The following IQCJ variants were observed in gnomAD, a reference collection of about 807,000 sequenced individuals.
The protein encoded by IQCJ is IQ motif containing J.
Under a neutral mutation model 11.0 loss-of-function variants are expected in IQCJ, and 9 were observed. That is an observed-to-expected ratio of 0.82 (90% CI 0.49 to 1.43). The LOEUF (loss-of-function observed/expected upper bound fraction) is 1.43. Ranked by LOEUF, IQCJ falls within the 40% of genes most tolerant of loss-of-function variation. IQCJ has a pLI of 0.00. For synonymous variants in IQCJ, 55 were observed against 51.3 expected (o/e 1.07, Z -0.31); for missense variants, 146 against 133.2 (o/e 1.10, Z -0.47).
intron 1 of IQCJ, among the ~76,000 whole-genome samples, chr3:159,148,410 T>C (rs1721029284): frequency 6.6e-6 from 1 of 152,240 alleles, no homozygotes; most frequent in Non-Finnish European, 1.5e-5. Flanking sequence ...GCATGAGTAG[T>C]AAGTGAATAT....
chr3:159,071,901 G>A (rs187468318), intron 1 of IQCJ, among the ~76,000 whole-genome samples: 1 of 152,138 alleles, frequency 6.6e-6, no homozygotes, highest in African/African-American at 2.4e-5. Context: ...ATGTGACCAG[G>A]ACTGTCTTAA....
intron 1 of IQCJ, among the ~76,000 whole-genome samples, chr3:159,128,356 T>A (rs868767297): frequency 2.6e-5 from 4 of 152,300 alleles, no homozygotes; most frequent in South Asian, 4.1e-4. Context: ...ACATTAAGAA[T>A]TAATTTCAGA....
chr3:159,094,720 G>A lies in IQCJ; in HGVS notation c.9+25279G>A, dbSNP rs115215435. 1.3e-3 allele frequency among the ~76,000 whole-genome samples: 204 copies of A among 151,928 alleles called. 6 individuals carry two copies. Among genetic ancestry groups the A allele is most frequent in the African/African-American group, 4.8e-3 (199 of 41,224 alleles). On this transcript the variant is annotated intron_variant, in intron 1 of 3. Coordinates refer to ENST00000397832, the MANE Select transcript of IQCJ (RefSeq NM_001042706.3). ...TGAGATTAGAATTGGTAAAAGATGT[G>A]TGATCTCTATCAGGTCTTAACTTCA... is the stretch of plus-strand genomic sequence containing the variant.
At position 159,252,725 on chromosome 3, in the gene IQCJ, A is replaced by G. The variant is rs1376018341; in HGVS notation, c.75-2A>G. 4 of 1,610,660 alleles carry G rather than the reference A, an allele frequency of 2.5e-6. No individual in the cohort carries two copies. The highest frequency in any genetic ancestry group is 3.4e-6 in the Non-Finnish European group (4 of 1,178,242). ...ATATTGAGACATTATTTCTGTTTCT[A>G]GTCACCAGCTGGCCATGGATGCAGA... is the stretch of plus-strand genomic sequence containing the variant. On this transcript the variant is annotated splice_acceptor_variant, in intron 2 of 3. Transcript: ENST00000397832. LOFTEE classifies it high-confidence loss of function.
intron 1 of IQCJ, among the ~76,000 whole-genome samples, chr3:159,080,658 T>C (rs570171891): frequency 6.6e-6 from 1 of 152,264 alleles, no homozygotes; most frequent in African/African-American, 2.4e-5. Context: ...TTATTGGATT[T>C]AATATACCCT....
intron 1 of IQCJ, among the ~76,000 whole-genome samples, chr3:159,216,345 C>T (rs13091349): frequency 0.14 from 20,694 of 152,142 alleles, 1,610 homozygotes; most frequent in Middle Eastern, 0.2. Context: ...TGCTATTTCT[C>T]CTCCTGGAAT....
intron 3 of IQCJ, among the ~76,000 whole-genome samples, chr3:159,261,477 A>G (rs1728201646): frequency 6.6e-6 from 1 of 152,166 alleles, no homozygotes; most frequent in Non-Finnish European, 1.5e-5. Flanking sequence ...GATGTAGACA[A>G]TTGAATCATG....
intron 1 of IQCJ, among the ~76,000 whole-genome samples, chr3:159,162,997 A>T (rs1044430428): frequency 1.3e-5 from 2 of 152,246 alleles, no homozygotes; most frequent in African/African-American, 2.4e-5. Context: ...CAGAGGTACA[A>T]GGAGGAACTG....
chr3:159,156,059 C>T (rs79290223), intron 1 of IQCJ, among the ~76,000 whole-genome samples: 1,759 of 152,290 alleles, frequency 0.012, 40 homozygotes, highest in African/African-American at 0.04. Flanking sequence ...ACACTAAACA[C>T]GTGCCATCTG....
intron 1 of IQCJ, among the ~76,000 whole-genome samples, chr3:159,192,367 G>T (rs938867885): frequency 6.6e-6 from 1 of 152,140 alleles, no homozygotes; most frequent in Non-Finnish European, 1.5e-5. Context: ...GGTGCTATAG[G>T]TCCAGTCCCT....
intron 1 of IQCJ, among the ~76,000 whole-genome samples, chr3:159,180,220 A>G (rs1422292818): frequency 1.3e-5 from 2 of 152,108 alleles, no homozygotes; most frequent in Non-Finnish European, 2.9e-5. Context: ...AACACATGCA[A>G]ATTTTGGCTC....
chr3:159,239,129 T>A (rs541710445), intron 1 of IQCJ, among the ~76,000 whole-genome samples: 3 of 152,244 alleles, frequency 2.0e-5, no homozygotes, highest in East Asian at 3.9e-4. Flanking sequence ...TGGAGTAACA[T>A]GACTTGCTTA....
chr3:159,091,670 GCATGCACACA>G (rs760297656), intron 1 of IQCJ, among the ~76,000 whole-genome samples: 4,093 of 62,552 alleles, frequency 0.065, 283 homozygotes, highest in African/African-American at 0.12. Flanking sequence ...ACACACACAC[GCATGCACACA>G]CACACACACA....
chr3:159,129,051 T>A (rs550151107), intron 1 of IQCJ, among the ~76,000 whole-genome samples: 14 of 152,104 alleles, frequency 9.2e-5, no homozygotes, highest in African/African-American at 3.4e-4. Flanking sequence ...ACAACAACAA[T>A]AACAACAAAT....
At chr3:159,112,767 A>G (rs558617168) in intron 1 of IQCJ, among the ~76,000 whole-genome samples, 1 of 152,304 alleles carries the variant, frequency 6.6e-6, no homozygotes, top group African/African-American at 2.4e-5. Flanking sequence ...TTAATGAATC[A>G]GTGAGCTTGT....
chr3:159,206,724 G>A (rs1216695896), intron 1 of IQCJ, among the ~76,000 whole-genome samples: 1 of 151,992 alleles, frequency 6.6e-6, no homozygotes, highest in African/African-American at 2.4e-5. Flanking sequence ...AATTCTATGA[G>A]CTACCCCATA....
intron 1 of IQCJ, among the ~76,000 whole-genome samples, chr3:159,231,755 G>T (rs1726262273): frequency 6.6e-6 from 1 of 152,060 alleles, no homozygotes; most frequent in South Asian, 2.1e-4. Context: ...GAATCTGTCT[G>T]GTCCCGGGCT....
At chr3:159,128,866 T>C (rs960642059) in intron 1 of IQCJ, among the ~76,000 whole-genome samples, 1 of 152,212 alleles carries the variant, frequency 6.6e-6, no homozygotes, top group Non-Finnish European at 1.5e-5. Context: ...TCATATTCCA[T>C]CCAAATGATG....
downstream of IQCJ, chr3:159,265,426 G>T: frequency 6.3e-7 from 1 of 1,588,190 alleles, no homozygotes; most frequent in African/African-American, 1.3e-5. Flanking sequence ...TTTATGGAGG[G>T]AATAGGATGA....
Sources: gnomAD v4.1 joint callset for allele counts (sites outside exome capture counted in the v4.1 genomes callset) on GRCh38, gnomAD v4.1.1 for gene constraint, MANE v1.5 for transcripts, NCBI Gene and HGNC (gene_info 2026-07-23, HGNC 2026-07-21) for gene names.